RALGAPB: variants seen among roughly 807,000 people sequenced by gnomAD.
The protein encoded by RALGAPB is ral GTPase-activating protein subunit beta.
RALGAPB carries 25 observed loss-of-function variants against 161.1 expected under a neutral mutation model. That is an observed-to-expected ratio of 0.16 (90% CI 0.11 to 0.22). The LOEUF is 0.22. RALGAPB is among the 10% of genes least tolerant of loss of function. The pLI is 1.00. For synonymous variants in RALGAPB, 629 were observed against 626.1 expected (o/e 1.00, Z -0.07); for missense variants, 1,391 against 1,815.2 (o/e 0.77, Z 4.25).
At chr20:38,543,740 C>T (rs2145403156) in intron 18 of RALGAPB, among the ~76,000 whole-genome samples, 1 of 152,314 alleles carries the variant, frequency 6.6e-6, no homozygotes, top group African/African-American at 2.4e-5. Flanking sequence ...CTTTTTTCTT[C>T]ACTTGGCTAC....
At chr20:38,485,926 G>C (rs908721017) in intron 1 of RALGAPB, among the ~76,000 whole-genome samples, 13 of 141,222 alleles carry the variant, frequency 9.2e-5, no homozygotes, top group Middle Eastern at 3.4e-3. Flanking sequence ...CATATATTTT[G>C]ATGTTTTAGT....
intron 1 of RALGAPB, among the ~76,000 whole-genome samples, chr20:38,486,524 A>G (rs1195040643): frequency 6.6e-6 from 1 of 152,170 alleles, no homozygotes; most frequent in African/African-American, 2.4e-5. Context: ...GACCTGCAGA[A>G]TTGAGCTTTT....
In RALGAPB at chr20:38,521,689, A is replaced by G; in HGVS notation, c.1610A>G (p.Tyr537Cys). Residue 537 changes from tyrosine to cysteine, a missense_variant, in exon 10 of 30, where the codon TAT becomes TGT. Coordinates refer to ENST00000262879, the MANE Select transcript of RALGAPB (RefSeq NM_020336.4). Reference protein sequence around the residue: ...KKTGEEILPAYLSRFYMLLIQ... With the variant: ...KKTGEEILPACLSRFYMLLIQ... ...ACTGGAGAAGAGATTCTGCCAGCTT[A>G]TTTATCCAGGTCTTGGAATTTTTGT... 1 of 1,613,904 alleles carries G rather than the reference A, an allele frequency of 6.2e-7. No homozygotes were observed. Among genetic ancestry groups the G allele is most frequent in the Non-Finnish European group, 8.5e-7 (1 of 1,179,932 alleles).
At chr20:38,563,559 C>G (rs548701526) in intron 24 of RALGAPB, among the ~76,000 whole-genome samples, 46 of 152,280 alleles carry the variant, frequency 3.0e-4, no homozygotes, top group African/African-American at 1.1e-3. Flanking sequence ...AGACCTTTGC[C>G]CCACCTGGCT....
At chr20:38,478,002 G>C (rs1600810340) in intron 1 of RALGAPB, among the ~76,000 whole-genome samples, 1 of 152,170 alleles carries the variant, frequency 6.6e-6, no homozygotes, top group East Asian at 1.9e-4. Flanking sequence ...ACACACACCT[G>C]TGGTCTGTTA....
chr20:38,562,954 T>A (rs2087839739), intron 24 of RALGAPB, among the ~76,000 whole-genome samples: 1 of 152,158 alleles, frequency 6.6e-6, no homozygotes, highest in African/African-American at 2.4e-5. Flanking sequence ...CATGTATTTG[T>A]AGTCCTACCT....
intron 13 of RALGAPB, among the ~76,000 whole-genome samples, chr20:38,526,842 C>T (rs897261599): frequency 6.6e-6 from 1 of 152,166 alleles, no homozygotes; most frequent in Non-Finnish European, 1.5e-5. Flanking sequence ...TCTTTTCTTC[C>T]TCTAATCTGA....
chr20:38,577,727 ACACACTCGCATACTCATG>A lies in RALGAPB; in HGVS notation c.*2765_*2782del, dbSNP rs1459865584. 1 of 151,134 alleles carries A rather than the reference ACACACTCGCATACTCATG, an allele frequency of 6.6e-6. No homozygotes were observed. The highest frequency in any genetic ancestry group is 1.5e-5 in the Non-Finnish European group (1 of 68,758). 9.4% of individuals were successfully genotyped at this position (151,134 alleles called of 1,614,324 possible). A position where few individuals can be genotyped will look rare whatever the true frequency, so the allele number is the denominator to read the frequency against. ...CACACACACACACACACACACACAC[ACACACTCGCATACTCATG>A]CACATTTTCCTTCATTTCCAGATCC... On this transcript the variant is annotated 3_prime_UTR_variant, in exon 30 of 30. Coordinates refer to ENST00000262879, the MANE Select transcript of RALGAPB (RefSeq NM_020336.4).
At chr20:38,499,200 C>A (rs982310824) in intron 4 of RALGAPB, among the ~76,000 whole-genome samples, 1 of 152,070 alleles carries the variant, frequency 6.6e-6, no homozygotes, top group African/African-American at 2.4e-5. Flanking sequence ...GGATTAAGGC[C>A]TTCAATAAGA....
At chr20:38,545,496 G>A (rs1361158828) in intron 18 of RALGAPB, among the ~76,000 whole-genome samples, 1 of 152,124 alleles carries the variant, frequency 6.6e-6, no homozygotes, top group African/African-American at 2.4e-5. Context: ...CCCTTCATAT[G>A]CATCTCAATG....
Position 38,481,446 on chromosome 20 carries a change from C to T in RALGAPB, c.-30-6957C>T, listed in dbSNP as rs183654679. Among the ~76,000 whole-genome samples the T allele has an allele frequency of 4.6e-5, 7 of 152,300 alleles. No homozygotes were observed. In the East Asian group the frequency reaches 1.3e-3, roughly 29 times the overall value. ...GAAGGCAAGGAAGAGCAAGACACAT[C>T]TTATGTGGATGACGGCAGGCCAAGA... is the stretch of plus-strand genomic sequence containing the variant. On this transcript the variant is annotated intron_variant, in intron 1 of 29. Coordinates refer to ENST00000262879, the MANE Select transcript of RALGAPB (RefSeq NM_020336.4).
In RALGAPB at chr20:38,517,967, C is replaced by T. The variant is rs1288087871; in HGVS notation, c.1384C>T (p.His462Tyr). ...TGCAGCATTTGTTCACTGTAAACTT[C>T]ATAATGGGATAAACAGAGACAGCAG... ...FDAAFVHCKL[H>Y]NGINRDSSMT... Residue 462 changes from histidine (H) to tyrosine (Y), a missense_variant, in exon 9 of 30, where the codon CAT (histidine) becomes TAT (tyrosine). By Grantham distance (83) the His-to-Tyr change is moderately conservative. Around this residue, in one of 3 missense-constraint regions of RALGAPB, gnomAD observed 946 missense variants for 1,257.2 expected, o/e 0.75. Transcript: ENST00000262879. The T allele has an allele frequency of 6.2e-7, 1 of 1,612,358 alleles. No individual in the cohort carries two copies. Among genetic ancestry groups the T allele is most frequent in the Non-Finnish European group, 8.5e-7 (1 of 1,178,480 alleles).
intron 15 of RALGAPB, among the ~76,000 whole-genome samples, chr20:38,533,465 A>G (rs1162975108): frequency 6.6e-6 from 1 of 152,194 alleles, no homozygotes; most frequent in Non-Finnish European, 1.5e-5. Flanking sequence ...TTTTCTACAC[A>G]AGTACTAACA....
chr20:38,563,998 G>A (rs537726824), intron 24 of RALGAPB, among the ~76,000 whole-genome samples: 34 of 152,150 alleles, frequency 2.2e-4, no homozygotes, highest in Non-Finnish European at 1.6e-4. Context: ...ACTATATGGC[G>A]ATTAGACTAT....
intron 9 of RALGAPB, chr20:38,520,218 A>G (rs2086247700): frequency 1.2e-6 from 1 of 803,332 alleles, no homozygotes; most frequent in Non-Finnish European, 1.5e-6. Context: ...ATTTGTTTCC[A>G]TTTATTTCTA....
intron 23 of RALGAPB, among the ~76,000 whole-genome samples, chr20:38,559,748 A>G (rs527477434): frequency 1.3e-5 from 2 of 152,328 alleles, no homozygotes; most frequent in Admixed American, 1.3e-4. Context: ...ACGTGGAACA[A>G]AGAGACTAAG....
chr20:38,564,454 T>C (rs1215588211), intron 24 of RALGAPB, among the ~76,000 whole-genome samples: 1 of 152,222 alleles, frequency 6.6e-6, no homozygotes, highest in Non-Finnish European at 1.5e-5. Context: ...ATCTTCCAAT[T>C]TTTTCGGTGA....
intron 18 of RALGAPB, among the ~76,000 whole-genome samples, chr20:38,544,370 C>G (rs545008809): frequency 6.6e-6 from 1 of 151,048 alleles, no homozygotes; most frequent in Non-Finnish European, 1.5e-5. Context: ...TTAAATATTA[C>G]AAAGATTCAA....
chr20:38,534,174 AAAAG>A (rs2086738662), intron 15 of RALGAPB, among the ~76,000 whole-genome samples: 1 of 151,972 alleles, frequency 6.6e-6, no homozygotes, highest in Admixed American at 6.6e-5. Flanking sequence ...CAAAAACAAA[AAAAG>A]AAATTTTTCA....
Sources: gnomAD v4.1 joint callset for allele counts (sites outside exome capture counted in the v4.1 genomes callset) on GRCh38, gnomAD v4.1.1 for gene constraint, gnomAD v4.1.1 regional missense constraint, MANE v1.5 for transcripts, NCBI Gene and HGNC (gene_info 2026-07-23, HGNC 2026-07-21) for gene names.